Variants in CSMD3 observed in about 807,000 individuals in gnomAD.
CSMD3 encodes the protein CUB and Sushi multiple domains 3, also known as CUB and sushi domain-containing protein 3.
In CSMD3, 177 loss-of-function variants were observed where a neutral mutation model predicts 435.2. The ratio of observed to expected loss-of-function variants is 0.41; its 90% confidence interval spans 0.36 to 0.46. The LOEUF is 0.46. Among genes scored for constraint, CSMD3 ranks in the 20% least tolerant of loss-of-function variants. The pLI is 0.34. For missense variants in CSMD3, 4,265 were observed against 4,504.6 expected (o/e 0.95, Z 1.52); for synonymous variants, 1,656 against 1,520.5 (o/e 1.09, Z -2.07).
intron 35 of CSMD3, among the ~76,000 whole-genome samples, chr8:112,394,773 T>G (rs1830727230): frequency 6.6e-6 from 1 of 152,222 alleles, no homozygotes; most frequent in Non-Finnish European, 1.5e-5. Context: ...ATATATTTCT[T>G]GATGACTTTT....
At chr8:112,276,171 C>T (rs1426280209) in intron 59 of CSMD3, among the ~76,000 whole-genome samples, 4 of 152,190 alleles carry the variant, frequency 2.6e-5, no homozygotes, top group Non-Finnish European at 5.9e-5. Context: ...GCAGTCAAAC[C>T]TTAAAGCTCC....
chr8:113,293,744 T>C (rs1295185561), intron 2 of CSMD3, among the ~76,000 whole-genome samples: 2 of 152,130 alleles, frequency 1.3e-5, no homozygotes, highest in Non-Finnish European at 2.9e-5. Flanking sequence ...TTCTATTTGT[T>C]TTCCTAGTCA....
In CSMD3 at chr8:112,689,930, C is replaced by A. The variant is rs2131824251; in HGVS notation, c.2093G>T (p.Gly698Val). Reference sequence around the variant, plus strand: ...CTCTTGACAAACAATGGATTTCTCTCCAATTAATTCAAACCCAAACTGGCA... The same window carrying A: ...CTCTTGACAAACAATGGATTTCTCTACAATTAATTCAAACCCAAACTGGCA... ...FECQFGFELIGEKSIVCQENN... is the reference protein window; with the variant it reads ...FECQFGFELIVEKSIVCQENN... Residue 698 changes from glycine to valine, a missense_variant, in exon 14 of 71, where the codon GGA becomes GTA. By Grantham distance (109) the Gly-to-Val change is moderately radical. Around this residue, in one of 3 missense-constraint regions of CSMD3, gnomAD observed 279 missense variants for 369.0 expected, o/e 0.76. Transcript: ENST00000297405. 1 of 1,613,310 alleles carries A rather than the reference C, an allele frequency of 6.2e-7. No individual in the cohort carries two copies. The highest frequency in any genetic ancestry group is 8.5e-7 in the Non-Finnish European group (1 of 1,179,490).
chr8:112,298,863 G>T (rs935848436), intron 53 of CSMD3, among the ~76,000 whole-genome samples: 2 of 152,104 alleles, frequency 1.3e-5, no homozygotes, highest in Non-Finnish European at 2.9e-5. Context: ...GTATTCTGTT[G>T]TGAGTATTCA....
chr8:113,272,318 A>C (rs1404976438), intron 3 of CSMD3, among the ~76,000 whole-genome samples: 1 of 152,118 alleles, frequency 6.6e-6, no homozygotes, highest in Non-Finnish European at 1.5e-5. Flanking sequence ...CTTCACCCAA[A>C]TCTCACCTTG....
intron 4 of CSMD3, among the ~76,000 whole-genome samples, chr8:113,161,013 A>C (rs2131833071): frequency 6.6e-6 from 1 of 152,190 alleles, no homozygotes; most frequent in East Asian, 1.9e-4. Context: ...CTTTGGTTAC[A>C]ATGTTTGAGG....
At chr8:112,546,706 T>C (rs1439514169) in intron 27 of CSMD3, among the ~76,000 whole-genome samples, 3 of 152,194 alleles carry the variant, frequency 2.0e-5, no homozygotes, top group East Asian at 3.9e-4. Context: ...ATATAGAAGC[T>C]GACTACTGAG....
intron 13 of CSMD3, among the ~76,000 whole-genome samples, chr8:112,704,760 T>C (rs1358852922): frequency 6.6e-6 from 1 of 152,124 alleles, no homozygotes; most frequent in Non-Finnish European, 1.5e-5. Context: ...AAATATATAA[T>C]TTACAAATGT....
At chr8:112,569,481 T>A in intron 24 of CSMD3, among the ~76,000 whole-genome samples, 1 of 152,162 alleles carries the variant, frequency 6.6e-6, no homozygotes, top group Non-Finnish European at 1.5e-5. Context: ...AATTACATAA[T>A]AAATGGACCA....
intron 1 of CSMD3, among the ~76,000 whole-genome samples, chr8:113,326,647 C>T (rs1039916111): frequency 2.0e-5 from 3 of 152,120 alleles, no homozygotes; most frequent in African/African-American, 4.8e-5. Context: ...TATGTCTCCT[C>T]ATTTGGATCT....
At chr8:112,533,629 T>C (rs887432384) in intron 27 of CSMD3, among the ~76,000 whole-genome samples, 2 of 152,036 alleles carry the variant, frequency 1.3e-5, no homozygotes, top group African/African-American at 2.4e-5. Flanking sequence ...CAGCAGATAT[T>C]AATACAGCTA....
At chr8:113,103,856 A>G (rs1035703486) in intron 4 of CSMD3, among the ~76,000 whole-genome samples, 1 of 152,114 alleles carries the variant, frequency 6.6e-6, no homozygotes, top group African/African-American at 2.4e-5. Flanking sequence ...ATAGTTCACT[A>G]TGATTTCACA....
intron 32 of CSMD3, among the ~76,000 whole-genome samples, chr8:112,436,433 A>C (rs1171563548): frequency 6.6e-6 from 1 of 151,898 alleles, no homozygotes; most frequent in East Asian, 1.9e-4. Context: ...GATTATATGA[A>C]TTAAAGTCAT....
At chr8:112,460,557 C>A (rs1286706610) in intron 32 of CSMD3, among the ~76,000 whole-genome samples, 1 of 151,952 alleles carries the variant, frequency 6.6e-6, no homozygotes, top group Non-Finnish European at 1.5e-5. Flanking sequence ...CTGCACCCAC[C>A]ATCCCATATG....
intron 19 of CSMD3, among the ~76,000 whole-genome samples, chr8:112,646,984 AG>A (rs138912424): frequency 0.02 from 3,108 of 152,262 alleles, 99 homozygotes; most frequent in African/African-American, 0.071. Flanking sequence ...ACTATTCTGC[AG>A]ATTTTATTTA....
chr8:113,225,542 TG>T (rs1303562135), intron 3 of CSMD3, among the ~76,000 whole-genome samples: 1 of 151,436 alleles, frequency 6.6e-6, no homozygotes, highest in African/African-American at 2.4e-5. Flanking sequence ...TACTTATAAG[TG>T]GGGGCTAAAT....
intron 28 of CSMD3, among the ~76,000 whole-genome samples, chr8:112,511,468 C>A (rs532299848): frequency 3.3e-4 from 47 of 142,086 alleles, no homozygotes; most frequent in African/African-American, 1.2e-3. Context: ...CAGCTGACTG[C>A]AAGCTCCGTC....
chr8:112,250,479 T>C (rs1210799664), intron 63 of CSMD3, among the ~76,000 whole-genome samples: 1 of 151,572 alleles, frequency 6.6e-6, no homozygotes, highest in Non-Finnish European at 1.5e-5. Context: ...ATCAGTGCAT[T>C]AATAAATAAT....
intron 22 of CSMD3, among the ~76,000 whole-genome samples, chr8:112,628,445 T>A (rs1425079376): frequency 1.3e-5 from 2 of 152,054 alleles, no homozygotes; most frequent in East Asian, 3.9e-4. Flanking sequence ...ACTTGAGAGA[T>A]TGTGTGTAAA....
Sources: allele counts gnomAD v4.1 joint callset (sites outside exome capture counted in the v4.1 genomes callset), GRCh38; gene constraint gnomAD v4.1.1; regional missense constraint gnomAD v4.1.1; transcripts MANE v1.5; gene names NCBI Gene and HGNC (gene_info 2026-07-23, HGNC 2026-07-21).